C4orf51: variants seen among roughly 807,000 people sequenced by gnomAD.
The protein encoded by C4orf51 is uncharacterized protein C4orf51.
A neutral mutation model predicts 25.2 loss-of-function variants in C4orf51; 25 were observed. The ratio of observed to expected loss-of-function variants is 0.99; its 90% confidence interval spans 0.72 to 1.39. The LOEUF is 1.39. Ranked by LOEUF, C4orf51 falls within the 40% of genes most tolerant of loss-of-function variation. The probability of loss-of-function intolerance (pLI) is 0.00; values close to 1 mark genes in which losing one functional copy is unlikely to be tolerated. For missense variants in C4orf51, 252 were observed against 239.6 expected (o/e 1.05, Z -0.34); for synonymous variants, 100 against 84.5 (o/e 1.18, Z -1.01).
chr4:145,693,960 G>C (rs556095272), intron 1 of C4orf51, among the ~76,000 whole-genome samples: 76 of 134,514 alleles, frequency 5.6e-4, no homozygotes, highest in African/African-American at 1.9e-3. Context: ...GGTGGCTGCC[G>C]GGCGGAGAGG....
chr4:145,684,351 G>A (rs1020142617), intron 1 of C4orf51, among the ~76,000 whole-genome samples: 5 of 152,048 alleles, frequency 3.3e-5, no homozygotes, highest in Admixed American at 6.6e-5. Flanking sequence ...GCTTGGTGGC[G>A]GGTGCCTGTA....
downstream of C4orf51, among the ~76,000 whole-genome samples, chr4:145,771,859 C>T (rs1736338391): frequency 6.6e-6 from 1 of 152,120 alleles, no homozygotes; most frequent in African/African-American, 2.4e-5. Flanking sequence ...ATAATAGGGG[C>T]CTTTTCCTAA....
At chr4:145,776,701 C>T in the C4orf51 span, among the ~76,000 whole-genome samples, 2 of 151,874 alleles carry the variant, frequency 1.3e-5, no homozygotes, top group African/African-American at 2.4e-5. Context: ...AGGACTACAG[C>T]GTAAAAGAGG....
the C4orf51 span, among the ~76,000 whole-genome samples, chr4:145,790,244 T>C: frequency 6.6e-6 from 1 of 152,202 alleles, no homozygotes; most frequent in Non-Finnish European, 1.5e-5. Context: ...TATCATTGTT[T>C]GGGCAGATAT....
chr4:145,747,668 G>C (rs9994644), intron 1 of C4orf51, among the ~76,000 whole-genome samples: 140,931 of 147,018 alleles, frequency 0.96, 67,614 homozygotes, highest in African/African-American at 0.99. Flanking sequence ...CTTCCTCCCC[G>C]CTTCTTTCCC....
chr4:145,756,588 T>C (rs1458873806), downstream of C4orf51, among the ~76,000 whole-genome samples: 1 of 152,088 alleles, frequency 6.6e-6, no homozygotes, highest in Non-Finnish European at 1.5e-5. Context: ...TCAGGGAAAA[T>C]GTAAGGTAGC....
chr4:145,732,529 G>T lies in C4orf51; in HGVS notation c.578G>T (p.Gly193Val), dbSNP rs374119781. The change falls in exon 6 of 6, where the codon GGC (glycine) becomes GTC (valine). Residue 193 changes from glycine (G) to valine (V), a missense_variant. By Grantham distance (109) the Gly-to-Val change is moderately radical. Coordinates refer to ENST00000438731, the MANE Select transcript of C4orf51 (RefSeq NM_001080531.3). ...DSEADRYSDY[G>V]WGGPSSPFN is the part of the protein sequence containing the mutation. ...GAAGCTGATCGATACTCCGATTATG[G>T]CTGGGGAGGACCCTCATCGCCATTT... 5.7e-5 allele frequency: 92 copies of T among 1,610,486 alleles called. No individual in the cohort carries two copies. The highest frequency in any genetic ancestry group is 4.3e-5 in the Non-Finnish European group (51 of 1,178,826).
At chr4:145,713,689 C>T (rs1442293972) in intron 2 of C4orf51, among the ~76,000 whole-genome samples, 1 of 152,200 alleles carries the variant, frequency 6.6e-6, no homozygotes, top group Non-Finnish European at 1.5e-5. Flanking sequence ...ATTACATAAA[C>T]TGAACTGATA....
downstream of C4orf51, among the ~76,000 whole-genome samples, chr4:145,735,876 A>G (rs1237943111): frequency 1.3e-5 from 2 of 152,232 alleles, no homozygotes; most frequent in Non-Finnish European, 2.9e-5. Context: ...GGGAACAGGC[A>G]TCACTCTGGT....
intron 1 of C4orf51, 85 bp downstream of exon 1, chr4:145,680,521 T>C: frequency 1.0e-6 from 1 of 995,896 alleles, no homozygotes; most frequent in Non-Finnish European, 1.5e-6. Flanking sequence ...TTGTAGACCC[T>C]GAGAGACTTC....
downstream of C4orf51, among the ~76,000 whole-genome samples, chr4:145,733,520 C>G (rs1392993136): frequency 6.6e-6 from 1 of 152,240 alleles, no homozygotes; most frequent in African/African-American, 2.4e-5. Flanking sequence ...CCTCCTACCA[C>G]TCTTCCTCCC....
At chr4:145,713,878 G>C (rs1731262110) in intron 2 of C4orf51, among the ~76,000 whole-genome samples, 1 of 152,134 alleles carries the variant, frequency 6.6e-6, no homozygotes, top group African/African-American at 2.4e-5. Flanking sequence ...CGCCTCCTGG[G>C]TTCAAATGAT....
At chr4:145,774,590 T>A (rs1188557596), downstream of C4orf51, 1 of 1,613,552 alleles carries the variant, frequency 6.2e-7, no homozygotes, top group Admixed American at 1.7e-5. Context: ...ATCGAAAACA[T>A]CCACTGCTCC....
At position 145,696,557 on chromosome 4, in the gene C4orf51, AG is replaced by A; in HGVS notation, c.234del. On this transcript the variant is annotated splice_acceptor_variant, in intron 1 of 5. Transcript: ENST00000438731. LOFTEE classifies it high-confidence loss of function. ...CTTGTTTCTTCTACTTGCTTTCCTT[AG>A]GATGTCATTGACAAACAGTTCTGCC... 1 of 1,612,138 alleles carries A rather than the reference AG, an allele frequency of 6.2e-7. No homozygotes were observed. The highest frequency in any genetic ancestry group is 1.1e-5 in the South Asian group (1 of 91,006).
intron 1 of C4orf51, among the ~76,000 whole-genome samples, chr4:145,684,093 A>C (rs1728993866): frequency 6.8e-6 from 1 of 147,046 alleles, no homozygotes; most frequent in Admixed American, 6.8e-5. Context: ...AGAACTCTTA[A>C]AATTAAATTA....
intron 1 of C4orf51, among the ~76,000 whole-genome samples, chr4:145,686,279 A>C (rs996754397): frequency 6.6e-6 from 1 of 152,198 alleles, no homozygotes; most frequent in Non-Finnish European, 1.5e-5. Flanking sequence ...TTGTTTAATG[A>C]ATATAGAGTT....
intron 1 of C4orf51, among the ~76,000 whole-genome samples, chr4:145,766,846 T>C (rs1005012223): frequency 2.6e-5 from 4 of 152,028 alleles, no homozygotes; most frequent in Non-Finnish European, 4.4e-5. Context: ...CTAAGAAAGG[T>C]CTCTTAGTAG....
rs1159642631 is a variant in C4orf51, at chr4:145,680,185, A to G, written c.-19A>G. On this transcript the variant is annotated 5_prime_UTR_variant, in exon 1 of 6. Transcript: ENST00000438731. ...CAGAGGACTTGACAAGTTGTTTTCC[A>G]GAGAGGCCGTTCGTAGTTATGTCAC... is the stretch of plus-strand genomic sequence containing the variant. The G allele has an allele frequency of 6.4e-7, 1 of 1,567,742 alleles. No individual in the cohort carries two copies. Among genetic ancestry groups the G allele is most frequent in the Non-Finnish European group, 8.8e-7 (1 of 1,138,170 alleles).
chr4:145,698,592 T>C (rs1030223743), intron 2 of C4orf51, among the ~76,000 whole-genome samples: 3 of 152,212 alleles, frequency 2.0e-5, no homozygotes, highest in Non-Finnish European at 4.4e-5. Flanking sequence ...TCAGAGAGAA[T>C]AGACTGTGTT....
Sources: allele counts gnomAD v4.1 joint callset (sites outside exome capture counted in the v4.1 genomes callset), GRCh38; gene constraint gnomAD v4.1.1; transcripts MANE v1.5; gene names NCBI Gene and HGNC (gene_info 2026-07-23, HGNC 2026-07-21).